Variants in ARMC10 observed in about 807,000 individuals in gnomAD.
ARMC10 encodes the protein armadillo repeat containing 10, also known as armadillo repeat-containing protein 10.
Under a neutral mutation model 30.2 loss-of-function variants are expected in ARMC10, and 23 were observed. The observed-to-expected ratio is 0.76, with a 90% CI of 0.55 to 1.08. The LOEUF (loss-of-function observed/expected upper bound fraction) is 1.08. Among genes scored for constraint, ARMC10 ranks in the 50% least tolerant of loss-of-function variants. The pLI, the probability that ARMC10 is intolerant of heterozygous loss-of-function variation, is 0.00. For synonymous variants in ARMC10, 111 were observed against 164.4 expected, an observed-to-expected ratio of 0.68 and a Z score of 2.48; for missense variants, 303 against 413.7, an observed-to-expected ratio of 0.73 and a Z score of 2.32.
chr7:103,076,965 C>T (rs148612840), intron 2 of ARMC10, among the ~76,000 whole-genome samples: 6 of 152,200 alleles, frequency 3.9e-5, no homozygotes, highest in South Asian at 4.1e-4. Flanking sequence ...ACAGCTGCAG[C>T]GGCGCAATCA....
intron 2 of ARMC10, among the ~76,000 whole-genome samples, chr7:103,081,079 C>G (rs1427526139): frequency 1.3e-5 from 2 of 152,174 alleles, no homozygotes; most frequent in African/African-American, 4.8e-5. Context: ...TTTAAATATT[C>G]TAGGTACAAA....
At chr7:103,078,940 T>C (rs956923650) in intron 2 of ARMC10, among the ~76,000 whole-genome samples, 12 of 151,978 alleles carry the variant, frequency 7.9e-5, no homozygotes, top group Non-Finnish European at 1.6e-4. Context: ...GCCCAGGAGG[T>C]CAAGGCTGCA....
chr7:103,097,419 A>G, intron 6 of ARMC10, 71 bp downstream of exon 6: 1 of 1,154,384 alleles, frequency 8.7e-7, no homozygotes, highest in East Asian at 2.5e-5. Context: ...AGATCTGGAA[A>G]GATTAAGCCT....
At chr7:103,093,180 C>A (rs1345671719) in intron 5 of ARMC10, among the ~76,000 whole-genome samples, 1 of 152,144 alleles carries the variant, frequency 6.6e-6, no homozygotes, top group Non-Finnish European at 1.5e-5. Context: ...GTAAATCTCT[C>A]ATATTAGTGT....
Position 103,097,338 on chromosome 7 carries a change from T to C in ARMC10, c.767T>C (p.Leu256Pro), listed in dbSNP as rs1404959844. 6.2e-7 allele frequency: 1 copy of C among 1,610,860 alleles called. No individual in the cohort carries two copies. ...AATCCAGCCATGACAGAAGGACTTC[T>C]CCGTGCCCAAGTAAATAGCTTATAT... ...SENPAMTEGL[L>P]RAQVDSSFLS... The change falls in exon 6 of 7, where the codon CTC becomes CCC. Residue 256 changes from leucine to proline, a missense_variant. Leu to Pro is a moderately conservative substitution (Grantham distance 98, BLOSUM62 -3). Around this residue, in one of 4 missense-constraint regions of ARMC10, gnomAD observed 170 missense variants for 207.2 expected, o/e 0.82. Transcript: ENST00000323716.
At position 103,097,471 on chromosome 7, in the gene ARMC10, G is replaced by A. The variant is rs963261530; in HGVS notation, c.777+123G>A. ...TTCTCTCTGAGGAGCAGTATTAAAG[G>A]TGGTTTTTTAAATTCATTTTGTATG... is the stretch of plus-strand genomic sequence containing the variant. On this transcript the variant is annotated intron_variant, in intron 6 of 6. Transcript: ENST00000323716. 4.1e-5 allele frequency: 26 copies of A among 635,592 alleles called. No individual in the cohort carries two copies. In the African/African-American group the frequency reaches 4.3e-4, roughly 10 times the overall value. The allele number at this position is 635,592 out of a possible 1,614,324, so 39.4% of individuals were successfully genotyped here.
intron 2 of ARMC10, among the ~76,000 whole-genome samples, chr7:103,077,363 T>C (rs560687991): frequency 6.6e-6 from 1 of 152,168 alleles, no homozygotes; most frequent in Admixed American, 6.5e-5. Context: ...TAATAGAATA[T>C]CTGAAACTGG....
chr7:103,098,173 T>A, intron 6 of ARMC10, 126 bp from the exon 7 acceptor site: 1 of 1,083,168 alleles, frequency 9.2e-7, no homozygotes. Context: ...TGAGATACAT[T>A]TTAAATGTGA....
chr7:103,083,740 C>T lies in ARMC10; in HGVS notation c.303C>T (p.Leu101=), dbSNP rs891426942. 5 of 1,613,858 alleles carry T rather than the reference C, an allele frequency of 3.1e-6. No individual in the cohort carries two copies. The highest frequency in any genetic ancestry group is 4.2e-6 in the Non-Finnish European group (5 of 1,179,722). ...DVLNAEQLQK[L]LYLLESTEDP... is the part of the protein sequence containing the mutation. ...TAAATGCTGAACAACTTCAGAAACT[C>T]CTTTACCTGCTGGAGTCAACGGAGG... The change falls in exon 3 of 7, where the codon CTC becomes CTT. Residue 101 remains leucine (L), a synonymous_variant. Coordinates refer to ENST00000323716, the MANE Select transcript of ARMC10 (RefSeq NM_031905.5).
chr7:103,083,970 T>C (rs1800613853), intron 3 of ARMC10, 140 bp downstream of exon 3: 1 of 1,466,862 alleles, frequency 6.8e-7, no homozygotes, highest in African/African-American at 1.4e-5. Context: ...TAAAACATAA[T>C]GTTTGTTTAC....
At chr7:103,088,992 TCA>T (rs1801087278) in intron 4 of ARMC10, 1 of 153,572 alleles carries the variant, frequency 6.5e-6, no homozygotes, top group Non-Finnish European at 1.5e-5. Context: ...ATTTCAATAA[TCA>T]CATCAATTCC....
chr7:103,080,057 C>T (rs1489994430), intron 2 of ARMC10, among the ~76,000 whole-genome samples: 1 of 152,146 alleles, frequency 6.6e-6, no homozygotes, highest in Non-Finnish European at 1.5e-5. Context: ...CCACAAACCA[C>T]CGAGCCTAAG....
intron 2 of ARMC10, chr7:103,083,060 T>C (rs1800529645): frequency 2.2e-6 from 1 of 456,714 alleles, no homozygotes; most frequent in Non-Finnish European, 4.4e-6. Context: ...ATTAATCTCT[T>C]TATAGGTAAG....
Position 103,075,774 on chromosome 7 carries a change from C to T in ARMC10, c.140-3C>T. 1.2e-6 allele frequency: 2 copies of T among 1,603,470 alleles called. No homozygotes were observed. Among genetic ancestry groups the T allele is most frequent in the Non-Finnish European group, 8.5e-7 (1 of 1,175,166 alleles). ...AGAGCCATAGGTCAATCTCTGCTTGCAGGTGCCCTGGAAGAAGGGACGTCA... is the reference window on the plus strand; with the variant it reads ...AGAGCCATAGGTCAATCTCTGCTTGTAGGTGCCCTGGAAGAAGGGACGTCA... On this transcript the variant is annotated splice_region_variant and splice_polypyrimidine_tract_variant and intron_variant, in intron 1 of 6. Transcript: ENST00000323716.
intron 2 of ARMC10, 94 bp from the exon 3 acceptor site, chr7:103,083,588 C>A: frequency 8.8e-7 from 1 of 1,140,206 alleles, no homozygotes; most frequent in East Asian, 2.4e-5. Context: ...ATTGTGCCAC[C>A]GCACACCAGC....
At chr7:103,089,688 C>T (rs985099804) in intron 4 of ARMC10, 4 of 152,216 alleles carry the variant, frequency 2.6e-5, no homozygotes, top group Admixed American at 2.6e-4. Context: ...GGAGGCTGGC[C>T]AGGCTGCTTC....
In ARMC10 at chr7:103,087,076, A is replaced by G; in HGVS notation, c.528+312A>G. On this transcript the variant is annotated intron_variant, in intron 4 of 6. Coordinates refer to ENST00000323716, the MANE Select transcript of ARMC10 (RefSeq NM_031905.5). ...CAAATAGTGAATATAGTTGGCTGAAAGTTGGGACAAGACTTTGCGCTAGAA... is the reference window on the plus strand; with the variant it reads ...CAAATAGTGAATATAGTTGGCTGAAGGTTGGGACAAGACTTTGCGCTAGAA... The G allele has an allele frequency of 1.0e-5, 4 of 398,348 alleles. 1 individual carries two copies. The South Asian group carries it at 1.2e-4, about 12-fold the overall frequency. The allele number at this position is 398,348 out of a possible 1,614,324, so 24.7% of individuals were successfully genotyped here.
Position 103,092,611 on chromosome 7 carries a change from A to G in ARMC10, c.663A>G (p.Thr221=). 4 of 1,598,644 alleles carry G rather than the reference A, an allele frequency of 2.5e-6. No individual in the cohort carries two copies. Among genetic ancestry groups the G allele is most frequent in the Non-Finnish European group, 3.4e-6 (4 of 1,167,484 alleles). The change falls in exon 5 of 7, where the codon ACA becomes ACG. Residue 221 remains threonine, a synonymous_variant. Transcript: ENST00000323716. Reference sequence around the variant, plus strand: ...AGCACATGCTTCACAGTTACATTACAGACCTGTTCCAGGTGTTACTTACTG... The same window carrying G: ...AGCACATGCTTCACAGTTACATTACGGACCTGTTCCAGGTGTTACTTACTG... The part of the protein sequence containing the change: ...DHQHMLHSYI[T]DLFQVLLTGN...
chr7:103,082,963 C>G (rs1277058899), intron 2 of ARMC10: 1 of 421,950 alleles, frequency 2.4e-6, no homozygotes, highest in African/African-American at 2.1e-5. Flanking sequence ...AAATGCCACA[C>G]TAGCAACAAG....
Sources: gnomAD v4.1 joint callset for allele counts (sites outside exome capture counted in the v4.1 genomes callset) on GRCh38, gnomAD v4.1.1 for gene constraint, gnomAD v4.1.1 regional missense constraint, MANE v1.5 for transcripts, NCBI Gene and HGNC (gene_info 2026-07-23, HGNC 2026-07-21) for gene names.